Variants in WDR17 observed in about 807,000 individuals in gnomAD.
WDR17 encodes WD repeat-containing protein 17.
Under a neutral mutation model 161.7 loss-of-function variants are expected in WDR17, and 143 were observed. The ratio of observed to expected loss-of-function variants is 0.88; its 90% confidence interval spans 0.77 to 1.02. WDR17 has a LOEUF of 1.02. WDR17 is among the 50% of genes least tolerant of loss of function. The probability of loss-of-function intolerance (pLI) is 0.00; values close to 1 mark genes in which losing one functional copy is unlikely to be tolerated. For synonymous variants in WDR17, 517 were observed against 515.6 expected, an observed-to-expected ratio of 1.00 and a Z score of -0.04; for missense variants, 1,469 against 1,520.9, an observed-to-expected ratio of 0.97 and a Z score of 0.57.
chr4:176,107,963 CCCTT>C (rs61042854), intron 1 of WDR17, among the ~76,000 whole-genome samples: 6 of 144,126 alleles, frequency 4.2e-5, no homozygotes, highest in African/African-American at 7.8e-5. Context: ...TCCCTTTTGT[CCCTT>C]CCTTCCTTCC....
At position 176,128,850 on chromosome 4, in the gene WDR17, A is replaced by G. The variant is rs767550032; in HGVS notation, c.903A>G (p.Pro301=). ...GCTTACATGTACTTAATTCTCCTCCAAGAAAAAAGTGTAAGTAAAAATGTT... is the reference window on the plus strand; with the variant it reads ...GCTTACATGTACTTAATTCTCCTCCGAGAAAAAAGTGTAAGTAAAAATGTT... The part of the protein sequence containing the change: ...FHCLHVLNSP[P]RKKFSVQSPT... The change falls in exon 6 of 29, where the codon CCA becomes CCG. Residue 301 remains proline (P), a synonymous_variant. Coordinates refer to ENST00000508596, the MANE Select transcript of WDR17 (RefSeq NM_181265.4). 1 of 1,567,022 alleles carries G rather than the reference A, an allele frequency of 6.4e-7. No homozygotes were observed. Among genetic ancestry groups the G allele is most frequent in the Non-Finnish European group, 8.6e-7 (1 of 1,162,820 alleles).
rs1554036558 is a variant in WDR17, at chr4:176,167,661, A to AC, written c.2991-1011_2991-1010insC. Among the ~76,000 whole-genome samples, 410 of 113,776 alleles carry AC rather than the reference A, an allele frequency of 3.6e-3. 18 individuals carry two copies. The highest frequency in any genetic ancestry group is 0.027 in the Middle Eastern group (6 of 226). The allele number at this position is 113,776 out of a possible 152,430, so 74.6% of individuals were successfully genotyped here. A position where few individuals can be genotyped will look rare whatever the true frequency, so the allele number is the denominator to read the frequency against. ...CTCCGTCTCAAAAAAAAAAAAAAAA[A>AC]AAAAAAAAAAACAATATCTTGAATT... On this transcript the variant is annotated intron_variant, in intron 22 of 28. Coordinates refer to ENST00000508596, the MANE Select transcript of WDR17 (RefSeq NM_181265.4).
At chr4:176,066,617 G>A (rs1015678322) in intron 1 of WDR17, among the ~76,000 whole-genome samples, 2 of 152,124 alleles carry the variant, frequency 1.3e-5, no homozygotes, top group East Asian at 3.9e-4. Context: ...TCCAAAATCA[G>A]ACTTGTTTTG....
At chr4:176,105,758 G>T (rs549019964) in intron 1 of WDR17, among the ~76,000 whole-genome samples, 1 of 152,126 alleles carries the variant, frequency 6.6e-6, no homozygotes, top group Admixed American at 6.5e-5. Flanking sequence ...TTTCATTAAA[G>T]CATTTATAGG....
At chr4:176,111,548 G>T (rs759990379) in intron 1 of WDR17, 27 bp from the exon 2 acceptor site, 4 of 1,597,192 alleles carry the variant, frequency 2.5e-6, no homozygotes, top group South Asian at 1.1e-5. Flanking sequence ...GGAAATCACT[G>T]ACATTTCTTC....
At chr4:176,174,918 T>A (rs897843716) in intron 26 of WDR17, among the ~76,000 whole-genome samples, 200 bp downstream of exon 26, 1 of 152,208 alleles carries the variant, frequency 6.6e-6, no homozygotes, top group Admixed American at 6.5e-5. Context: ...AATACTAGCT[T>A]AAACTCCTAG....
chr4:176,163,381 T>C, intron 22 of WDR17, 88 bp downstream of exon 22: 1 of 1,383,324 alleles, frequency 7.2e-7, no homozygotes, highest in Non-Finnish European at 9.8e-7. Flanking sequence ...AGATATGCAT[T>C]GGGAGAATAT....
chr4:176,076,408 G>GTTTTT lies in WDR17; in HGVS notation c.-7+10341_-7+10345dup, dbSNP rs564678477. 2.5e-3 allele frequency among the ~76,000 whole-genome samples: 271 copies of GTTTTT among 109,314 alleles called. 11 individuals are homozygous for GTTTTT. The highest frequency in any genetic ancestry group is 6.3e-3 in the Middle Eastern group (1 of 160). 71.7% of individuals were successfully genotyped at this position (109,314 alleles called of 152,430 possible). ...CCCAGTAAATGAGTTGTCGTTGTTG[G>GTTTTT]TTTTTTTTTTTTTTTTGGCTGCATC... On this transcript the variant is annotated intron_variant, in intron 1 of 28. Coordinates refer to ENST00000508596, the MANE Select transcript of WDR17 (RefSeq NM_181265.4).
intron 4 of WDR17, among the ~76,000 whole-genome samples, chr4:176,124,331 A>G (rs1216406481): frequency 6.6e-6 from 1 of 152,206 alleles, no homozygotes; most frequent in Non-Finnish European, 1.5e-5. Context: ...CATAAATTAC[A>G]AAGAACAAGA....
At chr4:176,085,770 G>A (rs2126608968) in intron 1 of WDR17, among the ~76,000 whole-genome samples, 1 of 152,004 alleles carries the variant, frequency 6.6e-6, no homozygotes, top group Middle Eastern at 3.4e-3. Context: ...TCTACTGAAT[G>A]TTTGTAAACT....
At chr4:176,153,467 C>A (rs1457197203) in intron 17 of WDR17, among the ~76,000 whole-genome samples, 1 of 152,146 alleles carries the variant, frequency 6.6e-6, no homozygotes, top group Non-Finnish European at 1.5e-5. Flanking sequence ...AATGGGGCTT[C>A]TGTTTCTTGA....
chr4:176,078,337 G>T (rs1052593638), intron 1 of WDR17, among the ~76,000 whole-genome samples: 2 of 152,082 alleles, frequency 1.3e-5, no homozygotes, highest in Non-Finnish European at 2.9e-5. Flanking sequence ...GGAATCACCT[G>T]CTCTAGTTCA....
chr4:176,146,993 A>C (rs1746279928), intron 12 of WDR17, among the ~76,000 whole-genome samples: 1 of 151,838 alleles, frequency 6.6e-6, no homozygotes, highest in Non-Finnish European at 1.5e-5. Context: ...CAGCCTCCCT[A>C]GTAGCTGGGA....
chr4:176,111,693 A>G lies in WDR17; in HGVS notation c.113A>G (p.Tyr38Cys), dbSNP rs373227565. 5.7e-6 allele frequency: 9 copies of G among 1,579,208 alleles called. No individual in the cohort carries two copies. Among genetic ancestry groups the G allele is most frequent in the Non-Finnish European group, 6.9e-6 (8 of 1,160,946 alleles). The change falls in exon 2 of 29, where the codon TAT becomes TGT. Residue 38 changes from tyrosine to cysteine, a missense_variant. Coordinates refer to ENST00000508596, the MANE Select transcript of WDR17 (RefSeq NM_181265.4). ...RFAYCATLAI[Y>C]IYQLDHRYNE... ...GCATATTGTGCGACCCTGGCTATCT[A>G]TATTTATCAGGTAAAATAATAATTC...
intron 22 of WDR17, among the ~76,000 whole-genome samples, chr4:176,165,841 C>T (rs1749695568): frequency 6.6e-6 from 1 of 152,166 alleles, no homozygotes; most frequent in Admixed American, 6.5e-5. Context: ...GTAACGCCCC[C>T]ATCCCAACAA....
intron 21 of WDR17, 87 bp downstream of exon 21, chr4:176,162,261 A>T: frequency 8.3e-7 from 1 of 1,200,310 alleles, no homozygotes; most frequent in African/African-American, 1.5e-5. Flanking sequence ...GTGACTTTCT[A>T]TGTGAGATCT....
intron 12 of WDR17, 42 bp from the exon 13 acceptor site, chr4:176,148,091 T>C: frequency 6.4e-7 from 1 of 1,560,312 alleles, no homozygotes; most frequent in South Asian, 1.1e-5. Context: ...CTAGATACAT[T>C]ATAACTTGAA....
chr4:176,120,143 A>T, intron 4 of WDR17, 46 bp downstream of exon 4: 1 of 1,459,858 alleles, frequency 6.8e-7, no homozygotes, highest in Non-Finnish European at 9.3e-7. Flanking sequence ...TATTTTTCTT[A>T]TATATAATTT....
intron 10 of WDR17, among the ~76,000 whole-genome samples, chr4:176,141,240 T>C (rs183137553): frequency 1.1e-4 from 17 of 152,148 alleles, no homozygotes; most frequent in Non-Finnish European, 2.4e-4. Flanking sequence ...TTGCTGAGAA[T>C]ATACAATGAA....
Sources: gnomAD v4.1 joint callset for allele counts (sites outside exome capture counted in the v4.1 genomes callset) on GRCh38, gnomAD v4.1.1 for gene constraint, MANE v1.5 for transcripts, NCBI Gene and HGNC (gene_info 2026-07-23, HGNC 2026-07-21) for gene names.